Variants in HECW2 observed in about 807,000 individuals in gnomAD.
HECW2 encodes E3 ubiquitin-protein ligase HECW2.
HECW2 carries 61 observed loss-of-function variants against 175.2 expected under a neutral mutation model. That is an observed-to-expected ratio of 0.35 (90% confidence interval 0.28 to 0.43). The LOEUF (loss-of-function observed/expected upper bound fraction) is 0.43. HECW2 is among the 20% of genes least tolerant of loss of function. The pLI, the probability that HECW2 is intolerant of heterozygous loss-of-function variation, is 1.00. For missense variants in HECW2, 1,524 were observed against 2,000.5 expected, an observed-to-expected ratio of 0.76 and a Z score of 4.54; for synonymous variants, 671 against 731.0, an observed-to-expected ratio of 0.92 and a Z score of 1.32.
At chr2:196,239,725 AG>A (rs1688379536) in intron 21 of HECW2, 1 of 152,202 alleles carries the variant, frequency 6.6e-6, no homozygotes, top group African/African-American at 2.4e-5. Context: ...ATGAGGAAGA[AG>A]GGGTCTGGGA....
chr2:196,427,935 A>T lies in HECW2; in HGVS notation c.292+5197T>A, dbSNP rs190181031. Among the ~76,000 whole-genome samples the T allele has an allele frequency of 3.4e-4, 52 of 152,322 alleles. No homozygotes were observed. The East Asian group carries it at 9.6e-3, about 28-fold the overall frequency. On this transcript the variant is annotated intron_variant, in intron 2 of 28. Transcript: ENST00000644978. ...CAATAGGGCCTATTTACTGCCTAAA[A>T]ATGCCTAAAGAAGGATTTACTTTTC...
intron 1 of HECW2, among the ~76,000 whole-genome samples, chr2:196,567,651 T>G (rs10497788): frequency 0.19 from 29,069 of 152,148 alleles, 3,190 homozygotes; most frequent in African/African-American, 0.3. Context: ...TCTGATTCCA[T>G]ATATTCAACC....
Position 196,363,700 on chromosome 2 carries a change from T to A in HECW2, c.293-19936A>T, listed in dbSNP as rs536157929. ...TTAGCTTGGCATGGTGGCATGCACC[T>A]GTAGTGCCAGCTACTCGGGAGGCTG... On this transcript the variant is annotated intron_variant, in intron 2 of 28. Transcript: ENST00000644978. Among the ~76,000 whole-genome samples, 300 of 152,290 alleles carry A rather than the reference T, an allele frequency of 2.0e-3. 1 individual carries two copies. Among genetic ancestry groups the A allele is most frequent in the African/African-American group, 6.6e-3 (276 of 41,570 alleles).
intron 1 of HECW2, among the ~76,000 whole-genome samples, chr2:196,482,226 C>T (rs1686865758): frequency 6.6e-6 from 1 of 152,208 alleles, no homozygotes; most frequent in Non-Finnish European, 1.5e-5. Context: ...GGGCCTTGTC[C>T]CATGATCAAG....
chr2:196,243,590 T>C (rs1322413308), intron 19 of HECW2, among the ~76,000 whole-genome samples: 1 of 151,790 alleles, frequency 6.6e-6, no homozygotes, highest in African/African-American at 2.4e-5. Context: ...TTCTCTTTCC[T>C]TTTTTTTGAC....
chr2:196,261,622 A>G (rs11894148), intron 17 of HECW2, among the ~76,000 whole-genome samples: 150,142 of 152,344 alleles, frequency 0.99, 74,025 homozygotes, highest in East Asian at 1. Context: ...TCTTTCCACC[A>G]ATAATGGTCT....
chr2:196,490,950 G>A, intron 1 of HECW2, among the ~76,000 whole-genome samples: 1 of 152,118 alleles, frequency 6.6e-6, no homozygotes, highest in East Asian at 1.9e-4. Context: ...TTTGGGACTG[G>A]GGGTGGGAAA....
intron 1 of HECW2, among the ~76,000 whole-genome samples, chr2:196,553,679 T>G (rs1689683008): frequency 1.3e-5 from 2 of 152,246 alleles, no homozygotes; most frequent in South Asian, 4.1e-4. Context: ...ATTTAAACTC[T>G]GATTTGCGGA....
At chr2:196,428,021 T>C (rs1280771940) in intron 2 of HECW2, among the ~76,000 whole-genome samples, 1 of 152,124 alleles carries the variant, frequency 6.6e-6, no homozygotes. Flanking sequence ...CTGGAGTGAG[T>C]TGTACAGTTC....
intron 1 of HECW2, among the ~76,000 whole-genome samples, chr2:196,480,356 T>C (rs1179345254): frequency 6.6e-6 from 1 of 152,226 alleles, no homozygotes; most frequent in East Asian, 1.9e-4. Context: ...ATCCTGAGGT[T>C]GTTTGCCACG....
At chr2:196,300,695 T>G (rs1025090019) in intron 13 of HECW2, among the ~76,000 whole-genome samples, 9 of 95,684 alleles carry the variant, frequency 9.4e-5, no homozygotes, top group Non-Finnish European at 2.1e-4. Flanking sequence ...TATCTATATC[T>G]ATACACATAT....
chr2:196,337,904 T>C (rs996997990), intron 3 of HECW2, among the ~76,000 whole-genome samples: 4 of 152,160 alleles, frequency 2.6e-5, no homozygotes, highest in African/African-American at 9.7e-5. Context: ...CATGGCAATA[T>C]AAGGGCCCCT....
intron 19 of HECW2, among the ~76,000 whole-genome samples, chr2:196,250,838 C>G (rs1688826657): frequency 6.6e-6 from 1 of 152,166 alleles, no homozygotes; most frequent in South Asian, 2.1e-4. Context: ...CTCCTAACTA[C>G]TGTTCTATTT....
intron 3 of HECW2, among the ~76,000 whole-genome samples, chr2:196,339,323 A>G (rs1692661522): frequency 6.6e-6 from 1 of 152,004 alleles, no homozygotes; most frequent in African/African-American, 2.4e-5. Flanking sequence ...CAGAGAAAAG[A>G]CTCTCACTCA....
At chr2:196,523,442 C>G (rs1001907321) in intron 1 of HECW2, among the ~76,000 whole-genome samples, 5 of 151,830 alleles carry the variant, frequency 3.3e-5, no homozygotes, top group African/African-American at 1.2e-4. Flanking sequence ...TTGACTTCCT[C>G]TTTTCCTAAT....
intron 1 of HECW2, among the ~76,000 whole-genome samples, chr2:196,561,898 G>A (rs1275798301): frequency 6.6e-6 from 1 of 152,180 alleles, no homozygotes; most frequent in Non-Finnish European, 1.5e-5. Flanking sequence ...TACCAAATAA[G>A]TGGTCTGTGA....
chr2:196,537,479 C>A (rs1353261133), intron 1 of HECW2, among the ~76,000 whole-genome samples: 1 of 152,082 alleles, frequency 6.6e-6, no homozygotes, highest in Non-Finnish European at 1.5e-5. Flanking sequence ...CCAGACAGGG[C>A]ACAGATGATT....
intron 6 of HECW2, 34 bp downstream of exon 6, chr2:196,324,946 C>T (rs750624854): frequency 4.5e-5 from 68 of 1,514,486 alleles, no homozygotes; most frequent in Non-Finnish European, 5.8e-5. Flanking sequence ...GACTTCCTCA[C>T]CATCAAGTAG....
chr2:196,536,852 T>C (rs1689038231), intron 1 of HECW2, among the ~76,000 whole-genome samples: 1 of 152,152 alleles, frequency 6.6e-6, no homozygotes, highest in Non-Finnish European at 1.5e-5. Context: ...GATGGCTGCA[T>C]TGGTGGTTGT....
Sources: allele counts gnomAD v4.1 joint callset (sites outside exome capture counted in the v4.1 genomes callset), GRCh38; gene constraint gnomAD v4.1.1; transcripts MANE v1.5; gene names NCBI Gene and HGNC (gene_info 2026-07-23, HGNC 2026-07-21).